The following MACROH2A1 variants were observed in gnomAD, a reference collection of about 807,000 sequenced individuals.
The protein encoded by MACROH2A1 is macroH2A.1 histone.
A neutral mutation model predicts 31.6 loss-of-function variants in MACROH2A1; 2 were observed. The observed-to-expected ratio is 0.06, with a 90% CI of 0.03 to 0.20. MACROH2A1 has a LOEUF of 0.20. Among genes scored for constraint, MACROH2A1 ranks in the 10% least tolerant of loss-of-function variants. MACROH2A1 has a pLI of 1.00. For synonymous variants in MACROH2A1, 169 were observed against 189.6 expected (o/e 0.89, Z 0.89); for missense variants, 230 against 474.0 (o/e 0.49, Z 4.78).
rs1768410935 is a variant in MACROH2A1 at position 135,398,729 on chromosome 5, G to A, written c.-34+333C>T. Among the ~76,000 whole-genome samples, 3 of 152,344 alleles carry A rather than the reference G, an allele frequency of 2.0e-5. No individual in the cohort carries two copies. The highest frequency in any genetic ancestry group is 7.2e-5 in the African/African-American group (3 of 41,586). On this transcript the variant is annotated intron_variant, in intron 1 of 8. Coordinates refer to ENST00000511689, the MANE Select transcript of MACROH2A1 (RefSeq NM_138610.3). The surrounding 1 kb of genome is among the most constrained non-coding windows in gnomAD (Gnocchi z 4.6). ...CTGCGGCCTCGGGCCTGGCCCGTGA[G>A]CCCGCCCCAGGAAGGGTCGCCAGGG...
intron 2 of MACROH2A1, among the ~76,000 whole-genome samples, chr5:135,374,904 AACCCCTT>A (rs2149874125): frequency 6.6e-6 from 1 of 152,340 alleles, no homozygotes; most frequent in East Asian, 1.9e-4. Context: ...GAAGAAACAG[AACCCCTT>A]ACCAGGTTCT....
intron 2 of MACROH2A1, among the ~76,000 whole-genome samples, chr5:135,378,292 C>A (rs1765176326): frequency 6.6e-6 from 1 of 152,240 alleles, no homozygotes; most frequent in African/African-American, 2.4e-5. Flanking sequence ...CACCAGACCG[C>A]CCCTTCCCGG....
At chr5:135,341,387 G>T (rs1208460141) in intron 8 of MACROH2A1, among the ~76,000 whole-genome samples, 1 of 152,252 alleles carries the variant, frequency 6.6e-6, no homozygotes, top group African/African-American at 2.4e-5. Flanking sequence ...CTGGTGAGGG[G>T]TTGCTGGGGA....
intron 8 of MACROH2A1, among the ~76,000 whole-genome samples, chr5:135,335,394 C>T (rs1561559718): frequency 6.6e-6 from 1 of 152,216 alleles, no homozygotes; most frequent in Non-Finnish European, 1.5e-5. Flanking sequence ...AAGGCAGTAG[C>T]CAGCAAACAG....
chr5:135,360,822 G>GT, intron 4 of MACROH2A1: 2 of 672,464 alleles, frequency 3.0e-6, no homozygotes, highest in Non-Finnish European at 5.4e-6. Flanking sequence ...CTTTATGATC[G>GT]TAAAAAAAAA....
At chr5:135,358,473 A>G (rs1212074206) in intron 5 of MACROH2A1, 1 of 985,410 alleles carries the variant, frequency 1.0e-6, no homozygotes, top group Non-Finnish European at 1.2e-6. Context: ...GTTTCTTGGT[A>G]GCCTGGTGTT....
At chr5:135,361,852 A>G (rs180919465) in intron 4 of MACROH2A1, 10 of 152,372 alleles carry the variant, frequency 6.6e-5, no homozygotes, top group Admixed American at 4.6e-4. Flanking sequence ...GGGCTGCTTT[A>G]GCAATTAGGT....
chr5:135,363,625 T>C (rs1763123022), intron 4 of MACROH2A1, among the ~76,000 whole-genome samples: 1 of 152,252 alleles, frequency 6.6e-6, no homozygotes. Context: ...TGAATAGTGC[T>C]GCAATAAACA....
At chr5:135,372,531 C>T (rs1294655898) in intron 2 of MACROH2A1, among the ~76,000 whole-genome samples, 1 of 152,244 alleles carries the variant, frequency 6.6e-6, no homozygotes, top group Non-Finnish European at 1.5e-5. Context: ...GTGATGGGCC[C>T]ACCTTGGCCA....
chr5:135,350,825 A>G, intron 6 of MACROH2A1: 1 of 1,603,612 alleles, frequency 6.2e-7, no homozygotes, highest in Non-Finnish European at 8.5e-7. Context: ...GGCATTACCT[A>G]CTTCACCACC....
chr5:135,370,659 G>T (rs1274205349), intron 2 of MACROH2A1, among the ~76,000 whole-genome samples: 1 of 152,204 alleles, frequency 6.6e-6, no homozygotes, highest in East Asian at 1.9e-4. Context: ...GATGTGACTG[G>T]ATTCTTTACA....
In MACROH2A1 at chr5:135,369,489, G is replaced by A. The variant is rs1287341319; in HGVS notation, c.394C>T (p.Pro132Ser). 1 of 1,614,044 alleles carries A rather than the reference G, an allele frequency of 6.2e-7. No individual in the cohort carries two copies. Among genetic ancestry groups the A allele is most frequent in the Non-Finnish European group, 8.5e-7 (1 of 1,180,006 alleles). Reference sequence around the variant, plus strand: ...GATGGAGACTTGGCCTTTTTGGCTGGGGGTGGTGTGATGATGGCTTCCAAC... The same window carrying A: ...GATGGAGACTTGGCCTTTTTGGCTGAGGGTGGTGTGATGATGGCTTCCAAC... ...GKLEAIITPP[P>S]AKKAKSPSQK... is the part of the protein sequence containing the mutation. Residue 132 changes from proline (P) to serine (S), a missense_variant, in exon 4 of 9, where the codon CCA (proline) becomes TCA (serine). Around this residue, in one of 2 missense-constraint regions of MACROH2A1, gnomAD observed 183 missense variants for 319.3 expected, o/e 0.57. Coordinates refer to ENST00000511689, the MANE Select transcript of MACROH2A1 (RefSeq NM_138610.3). The surrounding 1 kb of genome is among the most constrained non-coding windows in gnomAD (Gnocchi z 4.3).
chr5:135,348,625 G>C lies in MACROH2A1; in HGVS notation c.689-2568C>G, dbSNP rs575386455. ...CTCTCACACATCAAAGTGGGAGCTG[G>C]AACCAATTGAGGCCATGTAGGAATC... On this transcript the variant is annotated intron_variant, in intron 6 of 8. Coordinates refer to ENST00000511689, the MANE Select transcript of MACROH2A1 (RefSeq NM_138610.3). Among the ~76,000 whole-genome samples the C allele has an allele frequency of 4.3e-4, 66 of 152,358 alleles. 1 individual carries two copies. Among genetic ancestry groups the C allele is most frequent in the Admixed American group, 4.3e-3 (66 of 15,306 alleles).
At chr5:135,361,134 T>A in intron 4 of MACROH2A1, 1 of 237,256 alleles carries the variant, frequency 4.2e-6, no homozygotes, top group East Asian at 1.3e-4. Context: ...TGATGAACCA[T>A]CTGTCTCCCT....
intron 5 of MACROH2A1, chr5:135,356,134 A>G (rs1226665419): frequency 6.6e-6 from 1 of 152,266 alleles, no homozygotes; most frequent in African/African-American, 2.4e-5. Context: ...AATTTAAAGC[A>G]GCTATGAAGA....
At chr5:135,360,408 C>A (rs140801510) in intron 5 of MACROH2A1, 89 bp downstream of exon 5, 5 of 885,450 alleles carry the variant, frequency 5.6e-6, no homozygotes, top group Non-Finnish European at 9.3e-6. Flanking sequence ...GAGTGGCCCC[C>A]GGGATCCCCC....
intron 5 of MACROH2A1, chr5:135,359,941 G>A (rs371854417): frequency 5.9e-5 from 58 of 979,094 alleles, no homozygotes; most frequent in African/African-American, 5.3e-4. Context: ...TCACTGGGGC[G>A]GCTGAAAATA....
intron 2 of MACROH2A1, among the ~76,000 whole-genome samples, chr5:135,386,013 G>A (rs1766357160): frequency 6.6e-6 from 1 of 152,194 alleles, no homozygotes; most frequent in Non-Finnish European, 1.5e-5. Flanking sequence ...GAGGAGAGCA[G>A]AAAGAGGGCC....
At chr5:135,343,140 G>T (rs777955957) in intron 8 of MACROH2A1, 120 bp downstream of exon 8, 61 of 1,586,176 alleles carry the variant, frequency 3.8e-5, no homozygotes, top group Non-Finnish European at 5.0e-5. Context: ...TGTGCTTCTG[G>T]TCTCCTTGGT....
Sources: gnomAD v4.1 joint callset for allele counts (sites outside exome capture counted in the v4.1 genomes callset) on GRCh38, gnomAD v4.1.1 for gene constraint, gnomAD v4.1.1 regional missense constraint, Gnocchi (gnomAD v3.1) non-coding constraint, MANE v1.5 for transcripts, NCBI Gene and HGNC (gene_info 2026-07-23, HGNC 2026-07-21) for gene names.